WARS1: variants seen among roughly 807,000 people sequenced by gnomAD.
WARS1 encodes the protein tryptophan--tRNA ligase, cytoplasmic.
WARS1 carries 17 observed loss-of-function variants against 47.8 expected under a neutral mutation model. The ratio of observed to expected loss-of-function variants is 0.36; its 90% CI spans 0.24 to 0.53. WARS1 has a LOEUF of 0.53. Among genes scored for constraint, WARS1 ranks in the 20% least tolerant of loss-of-function variants. The pLI is 0.91. For synonymous variants in WARS1, 208 were observed against 228.1 expected (o/e 0.91, Z 0.79); for missense variants, 434 against 608.0 (o/e 0.71, Z 3.01).
At chr14:100,361,053 A>G (rs1477823418) in intron 3 of WARS1, among the ~76,000 whole-genome samples, 1 of 152,180 alleles carries the variant, frequency 6.6e-6, no homozygotes, top group Non-Finnish European at 1.5e-5. Flanking sequence ...GACAACCATG[A>G]TTTCTCACAT....
chr14:100,364,728 T>C (rs928319508), intron 2 of WARS1, among the ~76,000 whole-genome samples: 3 of 152,316 alleles, frequency 2.0e-5, no homozygotes, highest in South Asian at 2.1e-4. Flanking sequence ...CTGCAGTCAC[T>C]AAGAATTACT....
chr14:100,361,603 C>A, intron 3 of WARS1, 105 bp downstream of exon 3: 1 of 1,227,754 alleles, frequency 8.1e-7, no homozygotes, highest in Non-Finnish European at 1.1e-6. Context: ...TGAAGCTTCA[C>A]TGAATTTATG....
intron 2 of WARS1, chr14:100,366,204 C>A: frequency 2.3e-6 from 1 of 431,660 alleles, no homozygotes; most frequent in Non-Finnish European, 4.7e-6. Context: ...CAGCCCTTCT[C>A]TCCCACTCAG....
intron 1 of WARS1, among the ~76,000 whole-genome samples, chr14:100,369,792 C>G (rs1056449375): frequency 6.6e-6 from 1 of 151,584 alleles, no homozygotes; most frequent in African/African-American, 2.4e-5. Context: ...ATTCTTCTGT[C>G]TCAGCCTCCT....
intron 5 of WARS1, chr14:100,354,115 T>C: frequency 1.9e-6 from 1 of 526,234 alleles, no homozygotes; most frequent in Non-Finnish European, 3.4e-6. Context: ...AGCTTTACAG[T>C]AGTTCTATGA....
In WARS1 at chr14:100,366,834, G is replaced by A. The variant is rs1896030020; in HGVS notation, c.99+2253C>T. ...TCCTTTTTTGATGTATTGTTTAAAG[G>A]ATTCAAATGGGGATTTGCTGCATTT... On this transcript the variant is annotated intron_variant, in intron 2 of 10. Transcript: ENST00000392882. The A allele has an allele frequency of 8.4e-6, 13 of 1,555,504 alleles. No individual in the cohort carries two copies. The East Asian group carries it at 1.6e-4, about 19-fold the overall frequency.
At chr14:100,338,024 GAA>G (rs1161568897) in intron 9 of WARS1, among the ~76,000 whole-genome samples, 1 of 152,108 alleles carries the variant, frequency 6.6e-6, no homozygotes, top group East Asian at 1.9e-4. Context: ...AGCATAACAA[GAA>G]GGCACAGGGT....
intron 8 of WARS1, 42 bp from the exon 9 acceptor site, chr14:100,342,613 C>T (rs1326262553): frequency 6.4e-7 from 1 of 1,562,616 alleles, no homozygotes; most frequent in African/African-American, 1.4e-5. Context: ...GGCCAGAAAA[C>T]ATGCCAGCTT....
At chr14:100,359,048 GA>G (rs2140030018) in intron 4 of WARS1, among the ~76,000 whole-genome samples, 1 of 152,334 alleles carries the variant, frequency 6.6e-6, no homozygotes, top group African/African-American at 2.4e-5. Context: ...GGAGAAATGG[GA>G]AGCTTCCTAT....
chr14:100,366,773 G>A, intron 2 of WARS1: 1 of 1,085,352 alleles, frequency 9.2e-7, no homozygotes, highest in East Asian at 2.4e-5. Context: ...CCACAATGAA[G>A]CTTGAAGATA....
intron 9 of WARS1, 75 bp from the exon 10 acceptor site, chr14:100,337,277 G>A: frequency 6.3e-7 from 1 of 1,575,418 alleles, no homozygotes; most frequent in East Asian, 2.3e-5. Context: ...AGAAGCCCAA[G>A]TGTGGAAGTC....
At position 100,342,446 on chromosome 14, in the gene WARS1, G is replaced by A; in HGVS notation, c.1065C>T (p.Pro355=). The A allele has an allele frequency of 3.1e-6, 5 of 1,614,078 alleles. No homozygotes were observed. The highest frequency in any genetic ancestry group is 4.2e-6 in the Non-Finnish European group (5 of 1,180,004). ...TGTCGGTGAGGAAGATGGAGGAGTT[G>A]GGGTCGCTGGCACTCATTTTGGTCT... ...GAQTKMSASD[P]NSSIFLTDTA... The change falls in exon 9 of 11, where the codon CCC becomes CCT. Residue 355 remains proline (P), a synonymous_variant. Transcript: ENST00000392882.
chr14:100,355,273 T>C (rs1895239776), intron 4 of WARS1, among the ~76,000 whole-genome samples: 1 of 152,022 alleles, frequency 6.6e-6, no homozygotes, highest in Admixed American at 6.6e-5. Context: ...CAGGCTGGAG[T>C]GCAGTGGTGT....
intron 4 of WARS1, among the ~76,000 whole-genome samples, chr14:100,360,313 A>G (rs1294681985): frequency 6.6e-6 from 1 of 152,174 alleles, no homozygotes; most frequent in Non-Finnish European, 1.5e-5. Context: ...CCTGCTATTA[A>G]TATGATTCCC....
chr14:100,368,392 C>A, intron 2 of WARS1: 1 of 455,884 alleles, frequency 2.2e-6, no homozygotes. Flanking sequence ...AACTGCAATA[C>A]AGATGGGGAG....
At chr14:100,357,378 C>A (rs56245982) in intron 4 of WARS1, among the ~76,000 whole-genome samples, 4,293 of 151,736 alleles carry the variant, frequency 0.028, 202 homozygotes, top group African/African-American at 0.099. Flanking sequence ...GAAATCCTAT[C>A]GAATCTGCAA....
intron 9 of WARS1, among the ~76,000 whole-genome samples, chr14:100,341,040 G>A (rs1368313781): frequency 2.0e-5 from 3 of 150,448 alleles, no homozygotes; most frequent in East Asian, 2.0e-4. Context: ...TCAGCCTCCC[G>A]AGTAGCTGGG....
At position 100,361,005 on chromosome 14, in the gene WARS1, A is replaced by G. The variant is rs117372072; in HGVS notation, c.314-343T>C. Among the ~76,000 whole-genome samples the G allele has an allele frequency of 5.9e-3, 902 of 152,096 alleles. 6 individuals carry two copies. Among genetic ancestry groups the G allele is most frequent in the Admixed American group, 8.9e-3 (136 of 15,270 alleles). On this transcript the variant is annotated intron_variant, in intron 3 of 10. Coordinates refer to ENST00000392882, the MANE Select transcript of WARS1 (RefSeq NM_004184.4). ...TATACATATATAAATAGGTATATATATATATATTTGTTTATTAAGGTAAAA... is the reference window on the plus strand; with the variant it reads ...TATACATATATAAATAGGTATATATGTATATATTTGTTTATTAAGGTAAAA...
At chr14:100,342,104 A>C in intron 9 of WARS1, 1 of 391,308 alleles carries the variant, frequency 2.6e-6, no homozygotes, top group African/African-American at 2.0e-5. Flanking sequence ...GGAAATTGCC[A>C]TGACTTTGCC....
Sources: gnomAD v4.1 joint callset for allele counts (sites outside exome capture counted in the v4.1 genomes callset) on GRCh38, gnomAD v4.1.1 for gene constraint, MANE v1.5 for transcripts, NCBI Gene and HGNC (gene_info 2026-07-23, HGNC 2026-07-21) for gene names.